Variants in KIF25 observed in about 807,000 individuals in gnomAD.
The protein encoded by KIF25 is kinesin family member 25, also known as kinesin-like protein KIF25.
KIF25 carries 19 observed loss-of-function variants against 32.9 expected under a neutral mutation model. That is an observed-to-expected ratio of 0.58 (90% confidence interval 0.40 to 0.85). The LOEUF (loss-of-function observed/expected upper bound fraction) is 0.85, where lower values mean the gene tolerates loss of function less well. Ranked by LOEUF, KIF25 falls within the 40% of genes least tolerant of loss-of-function variation. KIF25 has a pLI of 0.00. For missense variants in KIF25, 485 were observed against 507.0 expected (o/e 0.96, Z 0.42); for synonymous variants, 225 against 213.7 (o/e 1.05, Z -0.46).
At chr6:168,021,770 G>C (rs74819511) in intron 5 of KIF25, among the ~76,000 whole-genome samples, 4 of 152,144 alleles carry the variant, frequency 2.6e-5, no homozygotes, top group Admixed American at 6.5e-5. Context: ...GCATTTTATC[G>C]AAGTCTGGTA....
intron 7 of KIF25, among the ~76,000 whole-genome samples, chr6:168,031,458 G>T (rs1798941143): frequency 6.6e-6 from 1 of 152,202 alleles, no homozygotes; most frequent in Non-Finnish European, 1.5e-5. Context: ...CAACCTCAAG[G>T]AACCTCAAGG....
rs143536760 is a variant in KIF25, at chr6:168,042,203, A to T, written c.829+52A>T. The T allele has an allele frequency of 2.2e-3, 3,363 of 1,507,572 alleles. 68 individuals are homozygous for T. In the African/African-American group the frequency reaches 0.041, roughly 18 times the overall value. 93.4% of individuals were successfully genotyped at this position (1,507,572 alleles called of 1,614,324 possible). ...GGGGTGGGTGCTGCAGAAGCCTATG[A>T]TCTGATGGAGCTGGATGTGCAACCA... On this transcript the variant is annotated intron_variant, in intron 11 of 12. Transcript: ENST00000643607.
chr6:168,021,156 A>T (rs1327782595), intron 5 of KIF25, among the ~76,000 whole-genome samples: 5 of 152,234 alleles, frequency 3.3e-5, no homozygotes, highest in Non-Finnish European at 7.3e-5. Context: ...TTCAGAAATA[A>T]ACCCACACAG....
intron 10 of KIF25, 111 bp from the exon 11 acceptor site, chr6:168,041,858 T>A: frequency 1.0e-6 from 1 of 995,826 alleles, no homozygotes. Flanking sequence ...GGGTGGGAGG[T>A]GTGGGCAGGA....
chr6:168,011,698 T>C (rs1021547019), intron 4 of KIF25, among the ~76,000 whole-genome samples: 4 of 152,256 alleles, frequency 2.6e-5, no homozygotes, highest in African/African-American at 9.6e-5. Context: ...TTGAGCTTCC[T>C]GGACCTAGAT....
At chr6:168,007,761 T>A (rs1798597749) in intron 4 of KIF25, among the ~76,000 whole-genome samples, 1 of 147,508 alleles carries the variant, frequency 6.8e-6, no homozygotes, top group African/African-American at 2.4e-5. Flanking sequence ...TTAGGGAGTT[T>A]AGCAAGAGTG....
At chr6:168,020,739 A>C (rs1420360016) in intron 5 of KIF25, among the ~76,000 whole-genome samples, 1 of 152,238 alleles carries the variant, frequency 6.6e-6, no homozygotes, top group East Asian at 1.9e-4. Context: ...TAAGCTAACA[A>C]AAAAAGATAC....
intron 2 of KIF25, among the ~76,000 whole-genome samples, chr6:168,002,293 TCGGGCAGG>T (rs1798518377): frequency 3.0e-5 from 4 of 131,410 alleles, no homozygotes; most frequent in African/African-American, 1.2e-4. Context: ...AGGCGTAGCC[TCGGGCAGG>T]TGAGAAAGAC....
chr6:168,042,856 C>T (rs1044680328), intron 12 of KIF25, 140 bp downstream of exon 12: 8 of 986,216 alleles, frequency 8.1e-6, no homozygotes, highest in Non-Finnish European at 8.8e-6. Context: ...CTAGCTGGCA[C>T]TCCCACGGCA....
rs1441515835 is a variant in KIF25, at chr6:168,042,579, G to C, written c.848G>C (p.Gly283Ala). 4 of 1,613,872 alleles carry C rather than the reference G, an allele frequency of 2.5e-6. No homozygotes were observed. The highest frequency in any genetic ancestry group is 3.4e-6 in the Non-Finnish European group (4 of 1,179,968). ...TGTCCAGGTGTGTCTGGAGTGACCG[G>C]GTTGGCCCTGAGGGAGATGGCGTGC... Reference protein sequence around the residue: ...SECVGVSGVTGLALREMACIS... With the variant: ...SECVGVSGVTALALREMACIS... The change falls in exon 12 of 13, where the codon GGG becomes GCG. Residue 283 changes from glycine (G) to alanine (A), a missense_variant. Around this residue, in one of 2 missense-constraint regions of KIF25, gnomAD observed 480 missense variants for 470.3 expected, o/e 1.02. Transcript: ENST00000643607.
chr6:168,031,259 A>C (rs1188362011), intron 7 of KIF25, among the ~76,000 whole-genome samples: 1 of 152,254 alleles, frequency 6.6e-6, no homozygotes, highest in Non-Finnish European at 1.5e-5. Context: ...TGCAGTATAC[A>C]ACTACTGATG....
At chr6:168,039,951 C>A in intron 9 of KIF25, 114 bp from the exon 10 acceptor site, 1 of 1,301,512 alleles carries the variant, frequency 7.7e-7, no homozygotes, top group Non-Finnish European at 1.0e-6. Context: ...TTCAGTACCC[C>A]ACTGGCACGC....
Position 168,045,059 on chromosome 6 carries a change from G to C in KIF25, c.*63G>C. 1 of 1,470,960 alleles carries C rather than the reference G, an allele frequency of 6.8e-7. No homozygotes were observed. The highest frequency in any genetic ancestry group is 9.2e-7 in the Non-Finnish European group (1 of 1,091,790). The allele number at this position is 1,470,960 out of a possible 1,614,324, so 91.1% of individuals were successfully genotyped here. On this transcript the variant is annotated 3_prime_UTR_variant, in exon 13 of 13. Transcript: ENST00000643607. ...TGTCCTTGCTTTATAATGCATATGT[G>C]CTTAGAAATAAACAGGTTTCACGTG... is the stretch of plus-strand genomic sequence containing the variant.
intron 7 of KIF25, among the ~76,000 whole-genome samples, chr6:168,031,185 A>C (rs1169137503): frequency 1.3e-5 from 2 of 152,254 alleles, no homozygotes; most frequent in Non-Finnish European, 2.9e-5. Flanking sequence ...TTTAAAAAAA[A>C]TCTGTAAGGA....
In KIF25 at chr6:168,014,469, A is replaced by C. The variant is rs564805441; in HGVS notation, c.-162-3504A>C. Among the ~76,000 whole-genome samples, 5 of 152,348 alleles carry C rather than the reference A, an allele frequency of 3.3e-5. No homozygotes were observed. In the South Asian group the frequency reaches 1.0e-3, roughly 32 times the overall value. On this transcript the variant is annotated intron_variant, in intron 4 of 12. Coordinates refer to ENST00000643607, the MANE Select transcript of KIF25 (RefSeq NM_030615.4). The stretch of plus-strand genomic sequence containing the variant: ...TGGGACATTTTGGATTCTGTTTTTA[A>C]ATCAGAATCCAAGATGTTGCTTTTT...
chr6:168,036,363 TAGA>T (rs1305276258), intron 8 of KIF25, among the ~76,000 whole-genome samples: 2 of 152,132 alleles, frequency 1.3e-5, no homozygotes, highest in East Asian at 3.9e-4. Context: ...TATGACCCAG[TAGA>T]AAATGGGCAG....
intron 5 of KIF25, among the ~76,000 whole-genome samples, chr6:168,019,485 G>A (rs545711525): frequency 1.1e-4 from 17 of 152,050 alleles, no homozygotes; most frequent in Admixed American, 2.0e-4. Context: ...TAGAGGAGAC[G>A]CGAACGTACT....
At position 168,044,836 on chromosome 6, in the gene KIF25, C is replaced by T. The variant is rs373162354; in HGVS notation, c.995C>T (p.Ala332Val). 10 of 1,585,074 alleles carry T rather than the reference C, an allele frequency of 6.3e-6. No individual in the cohort carries two copies. Among genetic ancestry groups the T allele is most frequent in the East Asian group, 2.3e-5 (1 of 44,134 alleles). The change falls in exon 13 of 13, where the codon GCG (alanine) becomes GTG (valine). Residue 332 changes from alanine to valine, a missense_variant. Coordinates refer to ENST00000643607, the MANE Select transcript of KIF25 (RefSeq NM_030615.4). ...TTTTTCTATTTTAAAGGAGGCGATG[C>T]GAAGTTACTGGTGATTCTCTGCATT... ...HLLQDCLGGD[A>V]KLLVILCISP...
intron 4 of KIF25, among the ~76,000 whole-genome samples, chr6:168,017,058 T>C (rs891987211): frequency 6.6e-6 from 1 of 152,232 alleles, no homozygotes. Context: ...GAGGCAGCAA[T>C]AGTCCGGCAG....
Sources: gnomAD v4.1 joint callset for allele counts (sites outside exome capture counted in the v4.1 genomes callset) on GRCh38, gnomAD v4.1.1 for gene constraint, gnomAD v4.1.1 regional missense constraint, MANE v1.5 for transcripts, NCBI Gene and HGNC (gene_info 2026-07-23, HGNC 2026-07-21) for gene names.